Variants in TAFA2 observed in about 807,000 individuals in gnomAD.
TAFA2 encodes chemokine-like protein TAFA-2.
In TAFA2, 7 loss-of-function variants were observed where a neutral mutation model predicts 18.8. That is an observed-to-expected ratio of 0.37 (90% confidence interval 0.21 to 0.70). The LOEUF (loss-of-function observed/expected upper bound fraction) is 0.70, where lower values mean the gene tolerates loss of function less well. Among genes scored for constraint, TAFA2 ranks in the 30% least tolerant of loss-of-function variants. TAFA2 has a pLI of 0.53. For missense variants in TAFA2, 122 were observed against 158.1 expected, an observed-to-expected ratio of 0.77 and a Z score of 1.23; for synonymous variants, 60 against 54.2, an observed-to-expected ratio of 1.11 and a Z score of -0.47.
rs560427859 is a variant in TAFA2 at position 62,220,487 on chromosome 12, T to C, written c.-130+38276A>G. 2.6e-5 allele frequency among the ~76,000 whole-genome samples: 4 copies of C among 152,344 alleles called. No individual in the cohort carries two copies. In the East Asian group the frequency reaches 5.8e-4, roughly 22 times the overall value. Reference sequence around the variant, plus strand: ...GTACAGCCATTTTGGGAGACAGTTTTGCAGTTTCTTACAAAATTAATTGCG... The same window carrying C: ...GTACAGCCATTTTGGGAGACAGTTTCGCAGTTTCTTACAAAATTAATTGCG... On this transcript the variant is annotated intron_variant, in intron 1 of 5. Transcript: ENST00000551619.
intron 1 of TAFA2, among the ~76,000 whole-genome samples, chr12:62,054,958 T>A (rs1882148948): frequency 6.6e-6 from 1 of 152,222 alleles, no homozygotes; most frequent in Non-Finnish European, 1.5e-5. Context: ...TTTTTCTAGA[T>A]CACTATTGCT....
At chr12:62,110,937 G>C (rs1869702253) in intron 1 of TAFA2, among the ~76,000 whole-genome samples, 2 of 151,978 alleles carry the variant, frequency 1.3e-5, no homozygotes, top group African/African-American at 4.8e-5. Context: ...CAAAAAAACA[G>C]CTTCTGGATT....
At chr12:62,112,774 G>T (rs1480733392) in intron 1 of TAFA2, among the ~76,000 whole-genome samples, 1 of 151,582 alleles carries the variant, frequency 6.6e-6, no homozygotes, top group Non-Finnish European at 1.5e-5. Flanking sequence ...GATCAATTTG[G>T]CTATTGATAT....
chr12:61,796,698 AT>A lies in TAFA2; in HGVS notation c.107-41675del, dbSNP rs1450572987. Among the ~76,000 whole-genome samples, 3 of 152,292 alleles carry A rather than the reference AT, an allele frequency of 2.0e-5. No homozygotes were observed. The East Asian group carries it at 5.8e-4, about 29-fold the overall frequency. Reference sequence around the variant, plus strand: ...AAATTACTATTAAAATTGTGCTTTGATTTGAAAAGTCTTGAGTGTTTAGCAG... The same window carrying A: ...AAATTACTATTAAAATTGTGCTTTGATTGAAAAGTCTTGAGTGTTTAGCAG... On this transcript the variant is annotated intron_variant, in intron 2 of 4. Transcript: ENST00000416284.
chr12:62,041,924 A>G (rs2136760430), intron 1 of TAFA2, among the ~76,000 whole-genome samples: 1 of 152,284 alleles, frequency 6.6e-6, no homozygotes. Context: ...TATTGCTTAA[A>G]ATACAAAAAT....
At chr12:62,092,619 T>C (rs982681571) in intron 1 of TAFA2, among the ~76,000 whole-genome samples, 1 of 152,036 alleles carries the variant, frequency 6.6e-6, no homozygotes, top group Non-Finnish European at 1.5e-5. Context: ...GTTCCTGCTC[T>C]CCTCTCCAAC....
intron 1 of TAFA2, among the ~76,000 whole-genome samples, chr12:62,189,548 T>A (rs1011151872): frequency 6.6e-6 from 1 of 152,202 alleles, no homozygotes; most frequent in Non-Finnish European, 1.5e-5. Context: ...AGGTGCCAAT[T>A]TTGATATTGC....
chr12:62,018,308 A>C (rs1378556352), intron 1 of TAFA2, among the ~76,000 whole-genome samples: 1 of 152,210 alleles, frequency 6.6e-6, no homozygotes, highest in Non-Finnish European at 1.5e-5. Flanking sequence ...TGAAATCCCC[A>C]GTATTATTAT....
chr12:61,719,599 T>C (rs1213082933), intron 4 of TAFA2, among the ~76,000 whole-genome samples: 3 of 152,136 alleles, frequency 2.0e-5, no homozygotes, highest in African/African-American at 7.2e-5. Flanking sequence ...CCCCAGATTA[T>C]CAGAGAGCTT....
chr12:62,172,118 T>A (rs990995520), intron 1 of TAFA2, among the ~76,000 whole-genome samples: 1 of 152,152 alleles, frequency 6.6e-6, no homozygotes, highest in Non-Finnish European at 1.5e-5. Context: ...AGATCATGAG[T>A]TTAAAAATGA....
intron 4 of TAFA2, among the ~76,000 whole-genome samples, chr12:61,718,274 G>T (rs1355355304): frequency 6.6e-6 from 1 of 152,202 alleles, no homozygotes; most frequent in Non-Finnish European, 1.5e-5. Flanking sequence ...GTAGATGACT[G>T]TTTGCGTTGC....
At position 61,783,014 on chromosome 12, in the gene TAFA2, G is replaced by A. The variant is rs1001332529; in HGVS notation, c.107-27990C>T. ...TCCAAAATTTAATCTTAAAGCTTGA[G>A]GAAAACATTTATTCTTGGAAAATTT... is the stretch of plus-strand genomic sequence containing the variant. On this transcript the variant is annotated intron_variant, in intron 2 of 4. Coordinates refer to ENST00000416284, the MANE Select transcript of TAFA2 (RefSeq NM_178539.5). Among the ~76,000 whole-genome samples the A allele has an allele frequency of 4.0e-5, 6 of 151,674 alleles. No homozygotes were observed. The South Asian group carries it at 1.2e-3, about 31-fold the overall frequency.
intron 1 of TAFA2, among the ~76,000 whole-genome samples, chr12:62,188,128 C>T (rs776161898): frequency 2.0e-5 from 3 of 152,188 alleles, no homozygotes; most frequent in Non-Finnish European, 2.9e-5. Context: ...CTCTTTGTTT[C>T]GATGAAGCCC....
intron 2 of TAFA2, among the ~76,000 whole-genome samples, chr12:61,780,738 C>T (rs772217340): frequency 1.2e-4 from 18 of 151,760 alleles, no homozygotes; most frequent in South Asian, 8.3e-4. Context: ...CTTTCTCACT[C>T]GCTCCTTCCA....
intron 1 of TAFA2, among the ~76,000 whole-genome samples, chr12:62,206,079 G>A (rs1263745166): frequency 6.6e-6 from 1 of 152,078 alleles, no homozygotes; most frequent in Non-Finnish European, 1.5e-5. Context: ...AGAGAACCTG[G>A]ATACCTCATT....
upstream of TAFA2, among the ~76,000 whole-genome samples, chr12:62,196,083 T>C (rs895701752): frequency 1.3e-5 from 2 of 152,246 alleles, no homozygotes; most frequent in Admixed American, 6.5e-5. Context: ...TCATGTATTA[T>C]GGAGACAGCT....
chr12:62,222,323 T>C (rs1381258990), intron 1 of TAFA2, among the ~76,000 whole-genome samples: 1 of 151,858 alleles, frequency 6.6e-6, no homozygotes, highest in Non-Finnish European at 1.5e-5. Context: ...TCAAAATGAG[T>C]AATCAAGAAA....
chr12:61,876,971 A>G (rs957654150), intron 1 of TAFA2, among the ~76,000 whole-genome samples: 2 of 152,150 alleles, frequency 1.3e-5, no homozygotes, highest in Admixed American at 6.5e-5. Context: ...CACACTCCTT[A>G]TATGTGTTTG....
intron 1 of TAFA2, among the ~76,000 whole-genome samples, chr12:62,158,383 A>T (rs2062385358): frequency 6.6e-6 from 1 of 152,230 alleles, no homozygotes; most frequent in Admixed American, 6.5e-5. Flanking sequence ...TTCTTTTGGT[A>T]CTAGTCTAAA....
Sources: allele counts gnomAD v4.1 joint callset (sites outside exome capture counted in the v4.1 genomes callset), GRCh38; gene constraint gnomAD v4.1.1; transcripts MANE v1.5; gene names NCBI Gene and HGNC (gene_info 2026-07-23, HGNC 2026-07-21).